The following DLGAP1 variants were observed in gnomAD, a reference collection of about 807,000 sequenced individuals.
DLGAP1 encodes the protein disks large-associated protein 1.
In DLGAP1, 11 loss-of-function variants were observed where a neutral mutation model predicts 90.8. The observed-to-expected ratio is 0.12, with a 90% CI of 0.08 to 0.20. DLGAP1 has a LOEUF of 0.20. DLGAP1 is among the 10% of genes least tolerant of loss of function. The pLI, the probability that DLGAP1 is intolerant of heterozygous loss-of-function variation, is 1.00. For synonymous variants in DLGAP1, 558 were observed against 540.7 expected (o/e 1.03, Z -0.44); for missense variants, 1,050 against 1,333.8 (o/e 0.79, Z 3.31).
intron 7 of DLGAP1, among the ~76,000 whole-genome samples, chr18:3,600,692 A>ATAGATATCTATAGAGCTC (rs1225384706): frequency 1.5e-5 from 2 of 136,692 alleles, no homozygotes; most frequent in African/African-American, 5.9e-5. Context: ...ATAGAGATCT[A>ATAGATATCTATAGAGCTC]TATAGATATC....
At chr18:3,713,995 G>C (rs1301397350) in intron 7 of DLGAP1, among the ~76,000 whole-genome samples, 1 of 152,162 alleles carries the variant, frequency 6.6e-6, no homozygotes, top group Non-Finnish European at 1.5e-5. Flanking sequence ...CCGAGGATGT[G>C]CCCTGGGAAG....
intron 2 of DLGAP1, among the ~76,000 whole-genome samples, chr18:4,098,484 T>C (rs2143839928): frequency 6.6e-6 from 1 of 152,234 alleles, no homozygotes; most frequent in South Asian, 2.1e-4. Context: ...CTGCAGTGAT[T>C]AGGATTGGAG....
At chr18:4,366,440 G>C (rs534550464) in intron 1 of DLGAP1, among the ~76,000 whole-genome samples, 4 of 152,194 alleles carry the variant, frequency 2.6e-5, no homozygotes, top group South Asian at 2.1e-4. Flanking sequence ...AGCATGTCAT[G>C]CACTGTCAAT....
chr18:4,376,144 C>T (rs1438668815), intron 1 of DLGAP1, among the ~76,000 whole-genome samples: 1 of 152,108 alleles, frequency 6.6e-6, no homozygotes, highest in Non-Finnish European at 1.5e-5. Context: ...TTAAATAATG[C>T]TTGGCATCTA....
At chr18:4,035,819 T>C (rs1235122715) in intron 2 of DLGAP1, among the ~76,000 whole-genome samples, 1 of 152,230 alleles carries the variant, frequency 6.6e-6, no homozygotes, top group East Asian at 1.9e-4. Flanking sequence ...CTCAGTCCAC[T>C]GGCTAATCTG....
At chr18:3,858,248 C>G (rs1259245560) in intron 4 of DLGAP1, among the ~76,000 whole-genome samples, 1 of 152,064 alleles carries the variant, frequency 6.6e-6, no homozygotes. Flanking sequence ...CTCAGTAGTT[C>G]AATCACTAAG....
chr18:3,842,374 G>T (rs1317062916), intron 4 of DLGAP1, among the ~76,000 whole-genome samples: 2 of 152,104 alleles, frequency 1.3e-5, no homozygotes, highest in African/African-American at 4.8e-5. Context: ...AACCAGTGAA[G>T]GATTTTTAAG....
intron 3 of DLGAP1, among the ~76,000 whole-genome samples, chr18:3,908,913 A>G (rs1245082262): frequency 3.3e-5 from 5 of 152,200 alleles, no homozygotes; most frequent in East Asian, 3.8e-4. Flanking sequence ...CAGCACAGTA[A>G]TAGGACCCCT....
At chr18:3,640,288 TGCTGAAGTCCTTGATCTATA>T (rs751490715) in intron 7 of DLGAP1, among the ~76,000 whole-genome samples, 1 of 152,224 alleles carries the variant, frequency 6.6e-6, no homozygotes, top group Non-Finnish European at 1.5e-5. Flanking sequence ...CCAGACTACG[TGCTGAAGTCCTTGATCTATA>T]GCCCAAGCAA....
chr18:3,853,137 A>G (rs976849015), intron 4 of DLGAP1, among the ~76,000 whole-genome samples: 3 of 152,134 alleles, frequency 2.0e-5, no homozygotes, highest in African/African-American at 7.2e-5. Flanking sequence ...ATTTTAAACT[A>G]AAATTTTAAA....
At chr18:4,440,313 ATAGAAT>A (rs1260007638) in intron 1 of DLGAP1, among the ~76,000 whole-genome samples, 1 of 152,132 alleles carries the variant, frequency 6.6e-6, no homozygotes, top group Non-Finnish European at 1.5e-5. Context: ...AATCTCAATT[ATAGAAT>A]GACTAATAGA....
At chr18:4,008,679 A>G (rs1357790993) in intron 2 of DLGAP1, among the ~76,000 whole-genome samples, 1 of 152,234 alleles carries the variant, frequency 6.6e-6, no homozygotes, top group African/African-American at 2.4e-5. Flanking sequence ...AACCAAAACC[A>G]GTGACGGGGA....
chr18:3,612,064 T>C (rs1315962919), intron 7 of DLGAP1, among the ~76,000 whole-genome samples: 1 of 152,212 alleles, frequency 6.6e-6, no homozygotes. Flanking sequence ...TGAAAGGCAA[T>C]ATTGTATGAT....
chr18:3,577,848 T>C (rs2055248740), intron 8 of DLGAP1, among the ~76,000 whole-genome samples: 1 of 152,230 alleles, frequency 6.6e-6, no homozygotes, highest in Non-Finnish European at 1.5e-5. Context: ...AAAGTGGCTT[T>C]CAAAATTGTA....
At chr18:3,694,948 T>G (rs7243934) in intron 7 of DLGAP1, among the ~76,000 whole-genome samples, 60,308 of 148,326 alleles carry the variant, frequency 0.41, 13,168 homozygotes, top group East Asian at 0.63. Context: ...TGTTTTTTTT[T>G]TTTTTTTTTG....
At chr18:4,385,368 C>G (rs1302736456) in intron 1 of DLGAP1, among the ~76,000 whole-genome samples, 1 of 152,152 alleles carries the variant, frequency 6.6e-6, no homozygotes, top group Non-Finnish European at 1.5e-5. Context: ...AGTTAGCTCT[C>G]AAAATGCCCT....
chr18:3,506,424 A>G (rs949798698), intron 11 of DLGAP1, among the ~76,000 whole-genome samples: 1 of 150,302 alleles, frequency 6.7e-6, no homozygotes, highest in African/African-American at 2.5e-5. Context: ...GAGGCAGGAG[A>G]ACCTCTTGAA....
intron 7 of DLGAP1, among the ~76,000 whole-genome samples, chr18:3,723,610 C>A (rs371175814): frequency 2.0e-5 from 3 of 151,772 alleles, no homozygotes; most frequent in East Asian, 1.9e-4. Context: ...GTGTGGAGTG[C>A]ATGAAGGTGG....
intron 3 of DLGAP1, among the ~76,000 whole-genome samples, chr18:3,906,025 A>G (rs2071898389): frequency 6.6e-6 from 1 of 152,194 alleles, no homozygotes; most frequent in South Asian, 2.1e-4. Context: ...TTGCAGACCA[A>G]TCCCAAGTCC....
Sources: allele counts gnomAD v4.1 joint callset (sites outside exome capture counted in the v4.1 genomes callset), GRCh38; gene constraint gnomAD v4.1.1; transcripts MANE v1.5; gene names NCBI Gene and HGNC (gene_info 2026-07-23, HGNC 2026-07-21).